The following CALN1 variants were observed in gnomAD, a reference collection of about 807,000 sequenced individuals.
CALN1 encodes the protein calcium-binding protein 8.
In CALN1, 17 loss-of-function variants were observed where a neutral mutation model predicts 30.6. The observed-to-expected ratio is 0.56, with a 90% CI of 0.38 to 0.83. The LOEUF is 0.83. Among genes scored for constraint, CALN1 ranks in the 40% least tolerant of loss-of-function variants. The probability of loss-of-function intolerance (pLI) is 0.00; values close to 1 mark genes in which losing one functional copy is unlikely to be tolerated. For missense variants in CALN1, 291 were observed against 354.9 expected (o/e 0.82, Z 1.45); for synonymous variants, 156 against 131.4 (o/e 1.19, Z -1.28).
chr7:72,313,764 AT>A (rs1800225899), intron 2 of CALN1, among the ~76,000 whole-genome samples: 1 of 152,126 alleles, frequency 6.6e-6, no homozygotes, highest in South Asian at 2.1e-4. Context: ...AACTGAACTC[AT>A]TTTCCCCTCT....
intron 2 of CALN1, among the ~76,000 whole-genome samples, chr7:72,345,472 G>A (rs1436342229): frequency 6.7e-6 from 1 of 148,728 alleles, no homozygotes; most frequent in African/African-American, 2.5e-5. Flanking sequence ...AAGAAAGAGA[G>A]GGAAGGGAAG....
At chr7:72,501,554 AGGGAG>A in the CALN1 span, among the ~76,000 whole-genome samples, 8 of 122,656 alleles carry the variant, frequency 6.5e-5, no homozygotes, top group Non-Finnish European at 6.7e-5. Flanking sequence ...GGAGGGAGGG[AGGGAG>A]GGAAGAGAAG....
chr7:72,125,031 TTTG>T (rs567998244), intron 3 of CALN1, among the ~76,000 whole-genome samples: 3 of 152,156 alleles, frequency 2.0e-5, no homozygotes, highest in African/African-American at 7.2e-5. Context: ...TTTGTTTTGC[TTTG>T]TTATTTTGTT....
intron 2 of CALN1, among the ~76,000 whole-genome samples, chr7:72,302,375 C>CA (rs1799330713): frequency 6.6e-6 from 1 of 152,204 alleles, no homozygotes; most frequent in East Asian, 1.9e-4. Context: ...ATCATGCTGA[C>CA]ATTAAACTGC....
Position 72,403,343 on chromosome 7 carries a change from C to G in CALN1, c.27G>C (p.Glu9Asp), listed in dbSNP as rs758536226. ...CCTTTTTCTCATTCTCGGGCTTCCC[C>G]TCTCCGGGTTGCTCTGGCAGCCGCA... MRLPEQPG[E>D]GKPENEKKGD... is the part of the protein sequence containing the mutation. Residue 9 changes from glutamate (E) to aspartate (D), a missense_variant, in exon 2 of 7, where the codon GAG (glutamate) becomes GAC (aspartate). Physicochemically the swap from Glu to Asp is conservative, Grantham distance 45. Around this residue, in one of 2 missense-constraint regions of CALN1, gnomAD observed 122 missense variants for 103.2 expected, o/e 1.18. Transcript: ENST00000395275. 9.0e-6 allele frequency: 14 copies of G among 1,548,772 alleles called. No homozygotes were observed. The highest frequency in any genetic ancestry group is 1.1e-5 in the Non-Finnish European group (13 of 1,146,948).
Position 72,008,009 on chromosome 7 carries a change from G to A in CALN1, c.501+15648C>T, listed in dbSNP as rs187380367. Among the ~76,000 whole-genome samples, 32 of 152,276 alleles carry A rather than the reference G, an allele frequency of 2.1e-4. No homozygotes were observed. In the East Asian group the frequency reaches 5.6e-3, roughly 27 times the overall value. ...ACAAATGTTAACACTATCAGTCTAA[G>A]CCAGTGAGTAGATAAAAAATAAATG... On this transcript the variant is annotated intron_variant, in intron 5 of 6. Transcript: ENST00000395275.
At chr7:72,213,660 T>G (rs1228258615) in intron 3 of CALN1, among the ~76,000 whole-genome samples, 4 of 151,436 alleles carry the variant, frequency 2.6e-5, no homozygotes, top group Non-Finnish European at 5.9e-5. Context: ...AAGGCAAGAG[T>G]GATGGTATAG....
chr7:72,227,202 T>G (rs1211765798), intron 3 of CALN1, among the ~76,000 whole-genome samples: 1 of 149,694 alleles, frequency 6.7e-6, no homozygotes, highest in African/African-American at 2.5e-5. Flanking sequence ...GTAACAAATC[T>G]GCACAGTACC....
At chr7:71,903,898 A>G (rs1793993448) in intron 5 of CALN1, among the ~76,000 whole-genome samples, 1 of 152,176 alleles carries the variant, frequency 6.6e-6, no homozygotes, top group African/African-American at 2.4e-5. Flanking sequence ...ACCTGAATAG[A>G]TGATTTTTTC....
At chr7:72,395,620 G>C (rs1254835351) in intron 2 of CALN1, among the ~76,000 whole-genome samples, 3 of 152,164 alleles carry the variant, frequency 2.0e-5, no homozygotes, top group Non-Finnish European at 1.5e-5. Flanking sequence ...GAATCACAAA[G>C]GAAGTCAATG....
chr7:72,182,402 T>C (rs1789875919), intron 3 of CALN1, among the ~76,000 whole-genome samples: 1 of 152,076 alleles, frequency 6.6e-6, no homozygotes, highest in Non-Finnish European at 1.5e-5. Flanking sequence ...AAGGGAAATA[T>C]CAGTTGGGCT....
intron 4 of CALN1, among the ~76,000 whole-genome samples, chr7:72,101,318 G>A (rs528521222): frequency 6.6e-6 from 1 of 152,282 alleles, no homozygotes; most frequent in South Asian, 2.1e-4. Flanking sequence ...CAGACGTATA[G>A]ATTAAGACTT....
chr7:71,918,727 A>G (rs1453095493), intron 5 of CALN1, among the ~76,000 whole-genome samples: 1 of 152,198 alleles, frequency 6.6e-6, no homozygotes, highest in Non-Finnish European at 1.5e-5. Flanking sequence ...ACATTTGCTG[A>G]GAGTCACTAG....
chr7:71,794,180 G>A (rs1786748881), intron 6 of CALN1, among the ~76,000 whole-genome samples: 1 of 152,128 alleles, frequency 6.6e-6, no homozygotes, highest in Non-Finnish European at 1.5e-5. Flanking sequence ...AATGGCAGAG[G>A]TGGGATTTGA....
At chr7:72,355,428 A>G (rs942525591) in intron 2 of CALN1, among the ~76,000 whole-genome samples, 2 of 152,192 alleles carry the variant, frequency 1.3e-5, no homozygotes, top group African/African-American at 4.8e-5. Context: ...CAGGAGGCTG[A>G]GACAGGAGAA....
chr7:72,329,456 G>A (rs1346390740), intron 2 of CALN1, among the ~76,000 whole-genome samples: 1 of 152,150 alleles, frequency 6.6e-6, no homozygotes, highest in African/African-American at 2.4e-5. Flanking sequence ...TCCACAGGGT[G>A]ACCCTATATG....
intron 1 of CALN1, among the ~76,000 whole-genome samples, chr7:72,410,220 G>T (rs181656392): frequency 1.6e-4 from 25 of 152,190 alleles, no homozygotes; most frequent in Non-Finnish European, 2.8e-4. Flanking sequence ...ATATGTAAGA[G>T]AGGTTGTCAA....
At chr7:72,251,248 A>T (rs1041196036) in intron 3 of CALN1, among the ~76,000 whole-genome samples, 12 of 152,120 alleles carry the variant, frequency 7.9e-5, no homozygotes, top group African/African-American at 2.9e-4. Context: ...TCCAACACAC[A>T]CTGAACTTCC....
chr7:72,082,881 G>A (rs1055769505), intron 4 of CALN1, among the ~76,000 whole-genome samples: 10 of 152,122 alleles, frequency 6.6e-5, no homozygotes, highest in African/African-American at 2.4e-4. Context: ...TGCAGTATCT[G>A]GCATTCAATC....
Sources: gnomAD v4.1 joint callset for allele counts (sites outside exome capture counted in the v4.1 genomes callset) on GRCh38, gnomAD v4.1.1 for gene constraint, gnomAD v4.1.1 regional missense constraint, MANE v1.5 for transcripts, NCBI Gene and HGNC (gene_info 2026-07-23, HGNC 2026-07-21) for gene names.